CEP72: variants seen among roughly 807,000 people sequenced by gnomAD.
CEP72 encodes the protein centrosomal protein of 72 kDa.
A neutral mutation model predicts 65.7 loss-of-function variants in CEP72; 78 were observed. The ratio of observed to expected loss-of-function variants is 1.19; its 90% confidence interval spans 0.99 to 1.43. CEP72 has a LOEUF of 1.43. Among genes scored for constraint, CEP72 ranks in the 40% most tolerant of loss-of-function variants. CEP72 has a pLI of 0.00. For missense variants in CEP72, 914 were observed against 832.9 expected (o/e 1.10, Z -1.20); for synonymous variants, 358 against 351.7 (o/e 1.02, Z -0.20).
the CEP72 span, among the ~76,000 whole-genome samples, chr5:674,990 C>A: frequency 8.0e-5 from 9 of 111,860 alleles, no homozygotes; most frequent in South Asian, 2.7e-3. Flanking sequence ...GATCTGTGGC[C>A]GGGGGAGCAG....
At chr5:640,166 G>A (rs1389919980) in intron 8 of CEP72, among the ~76,000 whole-genome samples, 1 of 152,216 alleles carries the variant, frequency 6.6e-6, no homozygotes, top group Non-Finnish European at 1.5e-5. Flanking sequence ...TTGAGACGTG[G>A]CGGCCCCTGG....
At chr5:673,567 A>G in the CEP72 span, among the ~76,000 whole-genome samples, 3 of 152,082 alleles carry the variant, frequency 2.0e-5, no homozygotes, top group South Asian at 6.2e-4. Context: ...GCGCCCACTC[A>G]CGGTGCCCAG....
chr5:675,164 C>T, the CEP72 span, among the ~76,000 whole-genome samples: 1 of 107,756 alleles, frequency 9.3e-6, no homozygotes, highest in Admixed American at 1.1e-4. Flanking sequence ...TGCAGTGTGG[C>T]TGAGAATGCA....
the CEP72 span, among the ~76,000 whole-genome samples, chr5:673,465 G>T: frequency 6.6e-6 from 1 of 152,008 alleles, no homozygotes; most frequent in Non-Finnish European, 1.5e-5. Context: ...TGAATGGGGA[G>T]GGGGGGAGGT....
Position 639,091 on chromosome 5 carries a change from G to A in CEP72, c.1209G>A (p.Pro403=), listed in dbSNP as rs762882538. 7 of 1,613,162 alleles carry A rather than the reference G, an allele frequency of 4.3e-6. No individual in the cohort carries two copies. The highest frequency in any genetic ancestry group is 3.3e-5 in the South Asian group (3 of 91,068). The change falls in exon 8 of 12, where the codon CCG becomes CCA. Residue 403 remains proline, a splice_region_variant and synonymous_variant. Coordinates refer to ENST00000264935, the MANE Select transcript of CEP72 (RefSeq NM_018140.4). The stretch of plus-strand genomic sequence containing the variant: ...TCATGCTGTTGTTTCCATCACAGCC[G>A]TCTCCCGGGTCACACTCGGCTCTAC... The part of the protein sequence containing the change: ...RSRGVTDTRE[P]SPGSHSALPG...
rs747502028 is a variant in CEP72 at position 619,008 on chromosome 5, C to G, written c.101C>G (p.Ser34Cys). Residue 34 changes from serine to cysteine, a missense_variant, in exon 2 of 12, where the codon TCT (serine) becomes TGT (cysteine). Ser to Cys is a moderately radical substitution (Grantham distance 112). Transcript: ENST00000264935. ...HRDLAELQSLSIPGTYQEKIT... is the reference protein window; with the variant it reads ...HRDLAELQSLCIPGTYQEKIT... ...TTCTTAGCTGAGCTTCAGTCATTGTCTATTCCTGGAACTTACCAAGAGAAG... is the reference window on the plus strand; with the variant it reads ...TTCTTAGCTGAGCTTCAGTCATTGTGTATTCCTGGAACTTACCAAGAGAAG... The G allele has an allele frequency of 3.1e-6, 5 of 1,610,272 alleles. No homozygotes were observed. The highest frequency in any genetic ancestry group is 4.2e-6 in the Non-Finnish European group (5 of 1,176,510).
rs1294897961 is a variant in CEP72 at position 624,542 on chromosome 5, T to A, written c.475T>A (p.Ser159Thr). ...TTTTGCATCAGAGGACTCACTCGAC[T>A]CCAAAGAGAGCGTCCCAGCTTCTTT... ...LHFASEDSLDSKESVPASLKE... is the reference protein window; with the variant it reads ...LHFASEDSLDTKESVPASLKE... Residue 159 changes from serine (S) to threonine (T), a missense_variant, in exon 4 of 12, where the codon TCC (serine) becomes ACC (threonine). Transcript: ENST00000264935. This position sits in a 1 kb window ranked among gnomAD's most constrained non-coding sequence, Gnocchi z 4.7. 3.5e-5 allele frequency: 56 copies of A among 1,613,938 alleles called. No individual in the cohort carries two copies. The highest frequency in any genetic ancestry group is 4.7e-5 in the Non-Finnish European group (55 of 1,179,816).
At chr5:648,818 T>TGACTGTGAGGTGTGACTGTGAGGTGTG (rs1561061936) in intron 11 of CEP72, among the ~76,000 whole-genome samples, 1 of 103,634 alleles carries the variant, frequency 9.6e-6, no homozygotes. Context: ...CTGTGAGGTG[T>TGACTGTGAGGTGTGACTGTGAGGTGTG]GACTGTGAGG....
In CEP72 at chr5:616,727, C is replaced by G. The variant is rs576878379; in HGVS notation, c.83-2263C>G. Among the ~76,000 whole-genome samples the G allele has an allele frequency of 7.4e-4, 113 of 152,122 alleles. 1 individual carries two copies. The highest frequency in any genetic ancestry group is 2.6e-3 in the African/African-American group (109 of 41,488). On this transcript the variant is annotated intron_variant, in intron 1 of 11. Transcript: ENST00000264935. ...GGGCACCACCTCGTTCTAGCCAGGC[C>G]GGGACAGCAGTCAGGATCCATTCTC...
intron 6 of CEP72, among the ~76,000 whole-genome samples, chr5:636,881 A>G (rs1031727946): frequency 1.3e-5 from 2 of 151,940 alleles, no homozygotes; most frequent in South Asian, 2.1e-4. Flanking sequence ...AAGCTTGCTC[A>G]TGCCCAACTG....
At chr5:654,304 TGCTA>T (rs200049335), downstream of CEP72, among the ~76,000 whole-genome samples, 1,379 of 151,218 alleles carry the variant, frequency 9.1e-3, 10 homozygotes, top group Non-Finnish European at 0.015. Flanking sequence ...AGTTGCTGTG[TGCTA>T]GCTGTGTGTA....
the CEP72 span, among the ~76,000 whole-genome samples, chr5:674,971 T>C: frequency 0.37 from 52,029 of 141,936 alleles, 9,604 homozygotes; most frequent in East Asian, 0.56. Flanking sequence ...TGAGAGTCAG[T>C]CCACAAAGGA....
At chr5:641,130 G>C in intron 9 of CEP72, 1 of 985,130 alleles carries the variant, frequency 1.0e-6, no homozygotes, top group Non-Finnish European at 1.2e-6. Context: ...CCGTGGGCCG[G>C]GGCCGCCGTC....
rs1030806691 is a variant in CEP72, at chr5:623,709, G to T, written c.404-762G>T. Among the ~76,000 whole-genome samples the T allele has an allele frequency of 2.6e-5, 4 of 152,208 alleles. No individual in the cohort carries two copies. The highest frequency in any genetic ancestry group is 5.9e-5 in the Non-Finnish European group (4 of 68,020). ...CCTGGCGCACGTGTCTCCTGAGGGT[G>T]CCCTGTGTGCTGGGTGGAGAGTGCC... On this transcript the variant is annotated intron_variant, in intron 3 of 11. Transcript: ENST00000264935. The surrounding 1 kb of genome is among the most constrained non-coding windows in gnomAD (Gnocchi z 5.3).
downstream of CEP72, among the ~76,000 whole-genome samples, chr5:654,878 TAGACTGTGATACTGTC>T (rs1739330704): frequency 2.6e-5 from 3 of 115,474 alleles, no homozygotes; most frequent in Non-Finnish European, 4.4e-5. Context: ...AGCTTTCTGT[TAGACTGTGATACTGTC>T]TCTCAGGTCA....
the CEP72 span, among the ~76,000 whole-genome samples, chr5:672,441 G>T: frequency 6.6e-6 from 1 of 152,260 alleles, no homozygotes; most frequent in Non-Finnish European, 1.5e-5. Context: ...CACAAGCGTG[G>T]GTCCTGGGGG....
chr5:661,971 T>C (rs1739632497), downstream of CEP72: 1 of 152,212 alleles, frequency 6.6e-6, no homozygotes, highest in South Asian at 2.1e-4. Context: ...AGTGGGGGCG[T>C]GGGGCCTCTC....
chr5:659,468 C>T (rs944790408), downstream of CEP72, among the ~76,000 whole-genome samples: 1 of 152,220 alleles, frequency 6.6e-6, no homozygotes, highest in African/African-American at 2.4e-5. Context: ...TTTATTGTAT[C>T]CTCATTTTGG....
downstream of CEP72, among the ~76,000 whole-genome samples, chr5:667,952 C>G (rs1431670947): frequency 1.8e-5 from 1 of 56,706 alleles, no homozygotes; most frequent in South Asian, 5.3e-4. Flanking sequence ...GTGTGGGCGC[C>G]GTCAGGGAAG....
Sources: allele counts gnomAD v4.1 joint callset (sites outside exome capture counted in the v4.1 genomes callset), GRCh38; gene constraint gnomAD v4.1.1; non-coding constraint Gnocchi (gnomAD v3.1); transcripts MANE v1.5; gene names NCBI Gene and HGNC (gene_info 2026-07-23, HGNC 2026-07-21).